LARGE1: variants seen among roughly 807,000 people sequenced by gnomAD.
The protein encoded by LARGE1 is xylosyl- and glucuronyltransferase LARGE1.
Under a neutral mutation model 87.6 loss-of-function variants are expected in LARGE1, and 43 were observed. The ratio of observed to expected loss-of-function variants is 0.49; its 90% CI spans 0.38 to 0.63. LARGE1 has a LOEUF of 0.63. Ranked by LOEUF, LARGE1 falls within the 30% of genes least tolerant of loss-of-function variation. The probability of loss-of-function intolerance (pLI) is 0.00; values close to 1 mark genes in which losing one functional copy is unlikely to be tolerated. For missense variants in LARGE1, 802 were observed against 1,000.2 expected, an observed-to-expected ratio of 0.80 and a Z score of 2.67; for synonymous variants, 434 against 394.6, an observed-to-expected ratio of 1.10 and a Z score of -1.18.
At chr22:33,639,074 T>C (rs1045904856) in intron 3 of LARGE1, among the ~76,000 whole-genome samples, 4 of 152,196 alleles carry the variant, frequency 2.6e-5, no homozygotes, top group African/African-American at 9.6e-5. Flanking sequence ...CTGTGTGGCT[T>C]CTGAGGCCAG....
chr22:33,661,008 T>C (rs1199041815), intron 2 of LARGE1, among the ~76,000 whole-genome samples: 1 of 151,860 alleles, frequency 6.6e-6, no homozygotes, highest in Non-Finnish European at 1.5e-5. Context: ...TTTAATGAGG[T>C]TTGATTTTTT....
At chr22:33,588,167 C>T (rs1324536328) in intron 5 of LARGE1, among the ~76,000 whole-genome samples, 1 of 152,170 alleles carries the variant, frequency 6.6e-6, no homozygotes, top group Non-Finnish European at 1.5e-5. Flanking sequence ...AATTGGGAAG[C>T]AGAAAGAAGA....
rs144376967 is a variant in LARGE1 at position 33,792,397 on chromosome 22, C to A, written c.-82-30839G>T. Among the ~76,000 whole-genome samples, 1,138 of 152,274 alleles carry A rather than the reference C, an allele frequency of 7.5e-3. 13 individuals are homozygous for A. The highest frequency in any genetic ancestry group is 0.027 in the African/African-American group (1,103 of 41,544). ...CATGTGAAGAAGGATGTGCTTGCTT[C>A]CCCTTCCACCATGACTGTAAGTTTC... On this transcript the variant is annotated intron_variant, in intron 1 of 14. Coordinates refer to ENST00000397394, the MANE Select transcript of LARGE1 (RefSeq NM_133642.5).
Position 33,350,265 on chromosome 22 carries a change from A to C in LARGE1, c.1132-12464T>G, listed in dbSNP as rs191803896. Among the ~76,000 whole-genome samples the C allele has an allele frequency of 2.3e-4, 35 of 152,328 alleles. 1 individual carries two copies. In the East Asian group the frequency reaches 6.8e-3, roughly 29 times the overall value. On this transcript the variant is annotated intron_variant, in intron 9 of 14. Transcript: ENST00000397394. ...TTCTGTTACATGCAAAGAATTCCTG[A>C]TGCTGTCTTGATAGCAGGACATGAA...
At chr22:33,239,149 A>G (rs2145680717) in intron 11 of LARGE1, among the ~76,000 whole-genome samples, 2 of 152,156 alleles carry the variant, frequency 1.3e-5, no homozygotes, top group South Asian at 2.1e-4. Flanking sequence ...TATTTTATAA[A>G]CCATAATAGA....
rs117808818 is a variant in LARGE1, at chr22:33,574,895, A to C, written c.616-9876T>G. ...TAATATCCCAGAGACAGTGGGAAAA[A>C]CAAAAGGGGTTTCATGAGCTAAGAG... On this transcript the variant is annotated intron_variant, in intron 5 of 14. Coordinates refer to ENST00000397394, the MANE Select transcript of LARGE1 (RefSeq NM_133642.5). Among the ~76,000 whole-genome samples, 1,188 of 152,260 alleles carry C rather than the reference A, an allele frequency of 7.8e-3. 3 individuals are homozygous for C. Among genetic ancestry groups the C allele is most frequent in the Non-Finnish European group, 0.012 (800 of 68,018 alleles).
Position 33,254,180 on chromosome 22 carries a change from G to A in LARGE1, c.1730+50049C>T, listed in dbSNP as rs1602153293. 3.9e-5 allele frequency among the ~76,000 whole-genome samples: 6 copies of A among 152,194 alleles called. No homozygotes were observed. In the South Asian group the frequency reaches 1.2e-3, roughly 31 times the overall value. On this transcript the variant is annotated intron_variant, in intron 11 of 11. Transcript: ENST00000608642. The stretch of plus-strand genomic sequence containing the variant: ...GTAGGAAAGCTTATCACGAAAAAAA[G>A]AGGAAGGCTTCAGGAGTGCTCCTAT...
At chr22:33,648,212 C>A (rs1250711308) in intron 3 of LARGE1, among the ~76,000 whole-genome samples, 1 of 152,200 alleles carries the variant, frequency 6.6e-6, no homozygotes, top group South Asian at 2.1e-4. Context: ...TTGGTCTACA[C>A]AATTGTACAG....
At chr22:33,834,743 C>CA (rs1244016882) in intron 1 of LARGE1, among the ~76,000 whole-genome samples, 1 of 152,158 alleles carries the variant, frequency 6.6e-6, no homozygotes, top group African/African-American at 2.4e-5. Context: ...TTTATCATCC[C>CA]ATTCTATAGT....
intron 10 of LARGE1, among the ~76,000 whole-genome samples, chr22:33,327,835 T>A (rs115876308): frequency 6.6e-6 from 1 of 152,130 alleles, no homozygotes; most frequent in Non-Finnish European, 1.5e-5. Flanking sequence ...GAGCCACTAT[T>A]CCCAGCTTGG....
chr22:33,258,234 G>A (rs1187889135), intron 11 of LARGE1, among the ~76,000 whole-genome samples: 1 of 152,174 alleles, frequency 6.6e-6, no homozygotes, highest in Non-Finnish European at 1.5e-5. Context: ...GTTTCACCAT[G>A]TTGGCCAGTC....
intron 2 of LARGE1, among the ~76,000 whole-genome samples, chr22:33,683,637 A>G (rs12170870): frequency 0.037 from 5,497 of 147,328 alleles, 139 homozygotes; most frequent in Non-Finnish European, 0.056. Flanking sequence ...AGGCAGGCAG[A>G]CAGACAGACA....
intron 3 of LARGE1, among the ~76,000 whole-genome samples, chr22:33,634,435 A>C (rs2080204847): frequency 6.6e-6 from 1 of 152,156 alleles, no homozygotes; most frequent in Non-Finnish European, 1.5e-5. Context: ...GTAAAAACTC[A>C]ACACATGTTA....
intron 6 of LARGE1, among the ~76,000 whole-genome samples, chr22:33,479,240 T>C (rs555021651): frequency 2.6e-5 from 4 of 152,320 alleles, no homozygotes; most frequent in Non-Finnish European, 4.4e-5. Flanking sequence ...CCCATTCCCC[T>C]ATTAGACCCT....
At chr22:33,229,743 C>A (rs888931432) in intron 11 of LARGE1, among the ~76,000 whole-genome samples, 3 of 151,940 alleles carry the variant, frequency 2.0e-5, no homozygotes, top group Non-Finnish European at 4.4e-5. Flanking sequence ...TTTGGCGAGA[C>A]AATGGCCAAT....
chr22:33,458,723 C>T (rs946906955), intron 6 of LARGE1, among the ~76,000 whole-genome samples: 1 of 152,182 alleles, frequency 6.6e-6, no homozygotes, highest in African/African-American at 2.4e-5. Flanking sequence ...CCACTGTGTC[C>T]AGCCCATTTT....
intron 1 of LARGE1, among the ~76,000 whole-genome samples, chr22:33,865,843 T>C (rs1454807924): frequency 2.0e-5 from 2 of 98,322 alleles, no homozygotes; most frequent in Admixed American, 9.8e-5. Flanking sequence ...TTTTTTTTTT[T>C]TTTTTTTTTT....
chr22:33,260,309 A>G (rs1927556956), intron 11 of LARGE1, among the ~76,000 whole-genome samples: 1 of 152,160 alleles, frequency 6.6e-6, no homozygotes, highest in South Asian at 2.1e-4. Context: ...GCATCCCTAA[A>G]TAATAAAACC....
intron 4 of LARGE1, among the ~76,000 whole-genome samples, chr22:33,619,046 C>G (rs1490788616): frequency 6.6e-6 from 1 of 152,152 alleles, no homozygotes; most frequent in African/African-American, 2.4e-5. Context: ...AGTAGGGGGA[C>G]CACCCCGCAT....
Sources: gnomAD v4.1 joint callset for allele counts (sites outside exome capture counted in the v4.1 genomes callset) on GRCh38, gnomAD v4.1.1 for gene constraint, MANE v1.5 for transcripts, NCBI Gene and HGNC (gene_info 2026-07-23, HGNC 2026-07-21) for gene names.